Variants in NUDT12 observed in about 807,000 individuals in gnomAD.
NUDT12 encodes the protein nudix hydrolase 12.
A neutral mutation model predicts 45.7 loss-of-function variants in NUDT12; 42 were observed. The ratio of observed to expected loss-of-function variants is 0.92; its 90% CI spans 0.72 to 1.19. The LOEUF (loss-of-function observed/expected upper bound fraction) is 1.19, where lower values mean the gene tolerates loss of function less well. Ranked by LOEUF, NUDT12 falls within the 50% of genes most tolerant of loss-of-function variation. NUDT12 has a pLI of 0.00. For synonymous variants in NUDT12, 206 were observed against 179.7 expected (o/e 1.15, Z -1.17); for missense variants, 590 against 533.1 (o/e 1.11, Z -1.05).
At chr5:103,554,883 T>C in intron 4 of NUDT12, 30 bp from the exon 5 acceptor site, 1 of 994,576 alleles carries the variant, frequency 1.0e-6, no homozygotes, top group Non-Finnish European at 1.5e-6. Flanking sequence ...GATACATGAA[T>C]GGCAGGAAAA....
At chr5:103,555,420 C>T (rs1423413327) in intron 4 of NUDT12, among the ~76,000 whole-genome samples, 1 of 152,048 alleles carries the variant, frequency 6.6e-6, no homozygotes, top group East Asian at 1.9e-4. Flanking sequence ...ATAGATGTCA[C>T]TAAGCCATGT....
intron 3 of NUDT12, among the ~76,000 whole-genome samples, chr5:103,556,351 T>C (rs1031723643): frequency 2.0e-5 from 3 of 152,094 alleles, no homozygotes; most frequent in Non-Finnish European, 4.4e-5. Context: ...TTACATCCTA[T>C]ATTAGATCAG....
Position 103,557,280 on chromosome 5 carries a change from G to GGTATATAT in NUDT12, c.797-1183_797-1182insATATATAC, listed in dbSNP as rs1491335747. Among the ~76,000 whole-genome samples the GGTATATAT allele has an allele frequency of 8.0e-3, 948 of 118,868 alleles. 63 individuals are homozygous for GGTATATAT. Among genetic ancestry groups the GGTATATAT allele is most frequent in the East Asian group, 0.036 (136 of 3,800 alleles). 78.0% of individuals were successfully genotyped at this position (118,868 alleles called of 152,430 possible). A position where few individuals can be genotyped will look rare whatever the true frequency, so the allele number is the denominator to read the frequency against. ...TATCAGATCTTTTTGATCTTAAAAT[G>GGTATATAT]ATATATATATATATATATATATATG... is the stretch of plus-strand genomic sequence containing the variant. On this transcript the variant is annotated intron_variant, in intron 3 of 6. Coordinates refer to ENST00000230792, the MANE Select transcript of NUDT12 (RefSeq NM_031438.4).
chr5:103,559,643 T>C, intron 2 of NUDT12, 175 bp from the exon 3 acceptor site: 1 of 455,060 alleles, frequency 2.2e-6, no homozygotes, highest in Non-Finnish European at 3.8e-6. Context: ...AAAAGAACAA[T>C]CATAAATGAC....
chr5:103,556,079 T>A lies in NUDT12; in HGVS notation c.816A>T (p.Arg272Ser). The change falls in exon 4 of 7, where the codon AGA becomes AGT. Residue 272 changes from arginine to serine, a missense_variant. Transcript: ENST00000230792. ...EKEAGVVAQA[R>S]SVLAWHSRYK... ...ATCGACTGTGCCAGGCAAGAACAGA[T>A]CTTGCTTGAGCTACAACCCCTTCAA... 6.2e-7 allele frequency: 1 copy of A among 1,606,172 alleles called. No individual in the cohort carries two copies. Among genetic ancestry groups the A allele is most frequent in the Non-Finnish European group, 8.5e-7 (1 of 1,176,606 alleles).
intron 1 of NUDT12, 112 bp from the exon 2 acceptor site, chr5:103,560,366 C>G: frequency 6.0e-6 from 4 of 668,162 alleles, no homozygotes; most frequent in South Asian, 1.8e-5. Flanking sequence ...AGGCAACATA[C>G]TATTCAACAG....
At chr5:103,560,441 C>T (rs72782537) in intron 1 of NUDT12, among the ~76,000 whole-genome samples, 187 bp from the exon 2 acceptor site, 10,877 of 151,988 alleles carry the variant, frequency 0.072, 545 homozygotes, top group Non-Finnish European at 0.11. Context: ...TAAAATGCAA[C>T]GCAATTTATA....
intron 3 of NUDT12, among the ~76,000 whole-genome samples, chr5:103,556,642 C>T (rs4703254): frequency 0.64 from 96,706 of 151,836 alleles, 31,262 homozygotes; most frequent in Middle Eastern, 0.77. Flanking sequence ...GCATTTACTA[C>T]ATTCATGGTT....
chr5:103,557,819 CTTCCTCT>C (rs1748876345), intron 3 of NUDT12, among the ~76,000 whole-genome samples: 2 of 151,834 alleles, frequency 1.3e-5, no homozygotes, highest in Non-Finnish European at 2.9e-5. Flanking sequence ...GTTTTTCTTG[CTTCCTCT>C]CAACTCTCCA....
At chr5:103,552,188 T>TA (rs768245057) in intron 6 of NUDT12, 29 bp downstream of exon 6, 1 of 1,570,922 alleles carries the variant, frequency 6.4e-7, no homozygotes, top group Non-Finnish European at 8.8e-7. Flanking sequence ...GAACAATCAA[T>TA]AGAAGAAGGA....
Position 103,549,275 on chromosome 5 carries a change from A to G in NUDT12, c.*1586T>C, listed in dbSNP as rs1180387896. ...AGCTCGAATTTTATTATGTATCTAA[A>G]TGTCCTCTGTCAGTTTTAATTTGGT... On this transcript the variant is annotated 3_prime_UTR_variant, in exon 7 of 7. Coordinates refer to ENST00000230792, the MANE Select transcript of NUDT12 (RefSeq NM_031438.4). 6.6e-6 allele frequency: 1 copy of G among 152,010 alleles called. No individual in the cohort carries two copies. Among genetic ancestry groups the G allele is most frequent in the African/African-American group, 2.4e-5 (1 of 41,440 alleles). 9.4% of individuals were successfully genotyped at this position (152,010 alleles called of 1,614,324 possible).
Position 103,559,184 on chromosome 5 carries a change from C to A in NUDT12, c.491G>T (p.Gly164Val). Residue 164 changes from glycine (G) to valine (V), a missense_variant, in exon 3 of 7, where the codon GGC (glycine) becomes GTC (valine). Transcript: ENST00000230792. Reference protein sequence around the residue: ...SDLNPLVTLGGNKESFQQPEV... With the variant: ...SDLNPLVTLGVNKESFQQPEV... Reference sequence around the variant, plus strand: ...TGGCTGTTGGAAACTTTCTTTATTGCCACCTAGAGTAACCAAGGGATTTAA... The same window carrying A: ...TGGCTGTTGGAAACTTTCTTTATTGACACCTAGAGTAACCAAGGGATTTAA... The A allele has an allele frequency of 6.4e-7, 1 of 1,552,482 alleles. No homozygotes were observed. Among genetic ancestry groups the A allele is most frequent in the Non-Finnish European group, 8.7e-7 (1 of 1,153,612 alleles).
rs770245108 is a variant in NUDT12, at chr5:103,550,982, C to T, written c.1279-11G>A. The T allele has an allele frequency of 3.8e-6, 6 of 1,581,752 alleles. No homozygotes were observed. The Admixed American group carries it at 1.0e-4, about 27-fold the overall frequency. On this transcript the variant is annotated splice_polypyrimidine_tract_variant and intron_variant, in intron 6 of 6. Coordinates refer to ENST00000230792, the MANE Select transcript of NUDT12 (RefSeq NM_031438.4). The stretch of plus-strand genomic sequence containing the variant: ...CAGAACATCCAGGACCTAAAACACA[C>T]CATAATAGAATGCATTAGGATTTCA...
At position 103,549,969 on chromosome 5, in the gene NUDT12, C is replaced by T. The variant is rs1481040771; in HGVS notation, c.*892G>A. The T allele has an allele frequency of 2.0e-5, 3 of 152,104 alleles. No homozygotes were observed. Among genetic ancestry groups the T allele is most frequent in the Non-Finnish European group, 4.4e-5 (3 of 68,004 alleles). The allele number at this position is 152,104 out of a possible 1,614,324, so 9.4% of individuals were successfully genotyped here. A position where few individuals can be genotyped will look rare whatever the true frequency, so the allele number is the denominator to read the frequency against. The stretch of plus-strand genomic sequence containing the variant: ...CAATTTTTTGTTAACACAGATACAT[C>T]ACTCATCACAAAATGAAATAAAGCC... On this transcript the variant is annotated 3_prime_UTR_variant, in exon 7 of 7. Transcript: ENST00000230792.
At chr5:103,561,981 C>T (rs1422288723) in intron 1 of NUDT12, among the ~76,000 whole-genome samples, 1 of 152,100 alleles carries the variant, frequency 6.6e-6, no homozygotes. Context: ...ATTATTCATT[C>T]CAGAGAAGCA....
At chr5:103,555,591 A>AG (rs1748787720) in intron 4 of NUDT12, among the ~76,000 whole-genome samples, 1 of 152,048 alleles carries the variant, frequency 6.6e-6, no homozygotes, top group Non-Finnish European at 1.5e-5. Flanking sequence ...ATGAAAAGCT[A>AG]GGGCCAGGCT....
chr5:103,551,409 C>T (rs189768854), intron 6 of NUDT12, among the ~76,000 whole-genome samples: 7 of 152,276 alleles, frequency 4.6e-5, no homozygotes, highest in African/African-American at 1.7e-4. Flanking sequence ...CCACCACGCC[C>T]CGCCTCAACA....
chr5:103,558,928 A>G lies in NUDT12; in HGVS notation c.747T>C (p.Phe249=), dbSNP rs1397813344. The part of the protein sequence containing the change: ...EFKQRHENCY[F]LHPPMPALLQ... ...GAAGGGCTGGCATAGGAGGATGAAG[A>G]AAGTAACAATTTTCATGTCTTTGCT... The change falls in exon 3 of 7, where the codon TTT becomes TTC. Residue 249 remains phenylalanine, a synonymous_variant. Transcript: ENST00000230792. 5 of 1,608,882 alleles carry G rather than the reference A, an allele frequency of 3.1e-6. No homozygotes were observed. The highest frequency in any genetic ancestry group is 4.2e-6 in the Non-Finnish European group (5 of 1,178,114).
At chr5:103,554,133 T>C (rs1246255011) in intron 5 of NUDT12, among the ~76,000 whole-genome samples, 1 of 152,076 alleles carries the variant, frequency 6.6e-6, no homozygotes, top group Non-Finnish European at 1.5e-5. Context: ...ATTAATTAGA[T>C]GTATTCATTC....
Sources: gnomAD v4.1 joint callset for allele counts (sites outside exome capture counted in the v4.1 genomes callset) on GRCh38, gnomAD v4.1.1 for gene constraint, MANE v1.5 for transcripts, NCBI Gene and HGNC (gene_info 2026-07-23, HGNC 2026-07-21) for gene names.